The following SRPK2 variants were observed in gnomAD, a reference collection of about 807,000 sequenced individuals.
SRPK2 encodes SFRS protein kinase 2.
A neutral mutation model predicts 90.8 loss-of-function variants in SRPK2; 21 were observed. That is an observed-to-expected ratio of 0.23 (90% CI 0.16 to 0.33). The LOEUF (loss-of-function observed/expected upper bound fraction) is 0.33. Among genes scored for constraint, SRPK2 ranks in the 10% least tolerant of loss-of-function variants. The pLI is 1.00. For synonymous variants in SRPK2, 288 were observed against 311.1 expected (o/e 0.93, Z 0.78); for missense variants, 620 against 869.0 (o/e 0.71, Z 3.60).
chr7:105,378,753 C>G (rs553594397), intron 2 of SRPK2, among the ~76,000 whole-genome samples: 2 of 143,330 alleles, frequency 1.4e-5, no homozygotes, highest in Non-Finnish European at 3.1e-5. Flanking sequence ...CAGAGAAAGA[C>G]TCCGTCTCAA....
At chr7:105,306,414 G>A (rs1563218500) in intron 2 of SRPK2, 3 of 419,282 alleles carry the variant, frequency 7.2e-6, no homozygotes, top group Non-Finnish European at 1.4e-5. Context: ...GAACCAAGAT[G>A]TTTAAGTAGA....
chr7:105,386,116 C>A (rs1234820367), intron 2 of SRPK2, among the ~76,000 whole-genome samples: 1 of 150,984 alleles, frequency 6.6e-6, no homozygotes, highest in Non-Finnish European at 1.5e-5. Flanking sequence ...AGATCGACAC[C>A]ATCCTGGCTA....
rs765544583 is a variant in SRPK2, at chr7:105,159,448, C to CAAAAAAAAAAA, written c.621+1048_621+1058dup. ...GGGTGACAGAGCGAGACTCCGTCTC[C>CAAAAAAAAAAA]AAAAAAAAAAAAAAAAAAAAAAAAA... On this transcript the variant is annotated intron_variant, in intron 7 of 15. Coordinates refer to ENST00000393651, the MANE Select transcript of SRPK2 (RefSeq NM_182692.3). Among the ~76,000 whole-genome samples the CAAAAAAAAAAA allele has an allele frequency of 3.9e-3, 130 of 33,134 alleles. 19 individuals carry two copies. Among genetic ancestry groups the CAAAAAAAAAAA allele is most frequent in the Non-Finnish European group, 4.7e-3 (75 of 15,906 alleles). 21.7% of individuals were successfully genotyped at this position (33,134 alleles called of 152,430 possible).
At chr7:105,254,698 T>G (rs1328723113) in intron 2 of SRPK2, among the ~76,000 whole-genome samples, 8 of 152,080 alleles carry the variant, frequency 5.3e-5, no homozygotes, top group Non-Finnish European at 1.2e-4. Context: ...GTTATTGTTG[T>G]TGTTGTTTTG....
At chr7:105,335,676 G>A (rs141916079) in intron 2 of SRPK2, among the ~76,000 whole-genome samples, 27 of 150,620 alleles carry the variant, frequency 1.8e-4, no homozygotes, top group Middle Eastern at 3.5e-3. Flanking sequence ...AAAAGCAGCC[G>A]GGCGCAGTGG....
intron 15 of SRPK2, chr7:105,125,751 C>G: frequency 9.7e-7 from 1 of 1,026,918 alleles, no homozygotes; most frequent in Non-Finnish European, 1.3e-6. Context: ...GAAGACTATG[C>G]TGAAAATTAG....
chr7:105,280,802 C>T (rs1380099538), intron 2 of SRPK2, among the ~76,000 whole-genome samples: 1 of 151,066 alleles, frequency 6.6e-6, no homozygotes, highest in African/African-American at 2.4e-5. Flanking sequence ...AAAAAATTAG[C>T]CGGGCGTGGT....
rs775009171 is a variant in SRPK2 at position 105,160,620 on chromosome 7, C to T, written c.515-7G>A. The T allele has an allele frequency of 5.7e-6, 9 of 1,586,036 alleles. No individual in the cohort carries two copies. The highest frequency in any genetic ancestry group is 4.5e-5 in the East Asian group (2 of 44,756). On this transcript the variant is annotated splice_polypyrimidine_tract_variant and splice_region_variant and intron_variant, in intron 6 of 15. Coordinates refer to ENST00000393651, the MANE Select transcript of SRPK2 (RefSeq NM_182692.3). ...TCGAAGACCATGCAGACATCTGGGA[C>T]ACAGTTAAGGATCGTTTGTGGATGC...
At chr7:105,166,485 G>C (rs913525898) in intron 6 of SRPK2, among the ~76,000 whole-genome samples, 2 of 152,116 alleles carry the variant, frequency 1.3e-5, no homozygotes, top group African/African-American at 2.4e-5. Flanking sequence ...ATGACTTCTA[G>C]GATTTGCTCT....
intron 15 of SRPK2, among the ~76,000 whole-genome samples, chr7:105,123,227 C>T (rs1800661038): frequency 6.6e-6 from 1 of 152,158 alleles, no homozygotes; most frequent in Non-Finnish European, 1.5e-5. Context: ...AAATACAGCT[C>T]AATTTTTAAC....
In SRPK2 at chr7:105,129,249, T is replaced by A. The variant is rs978442194; in HGVS notation, c.1753-2187A>T. 3.9e-5 allele frequency among the ~76,000 whole-genome samples: 6 copies of A among 152,276 alleles called. No homozygotes were observed. In the East Asian group the frequency reaches 9.7e-4, roughly 25 times the overall value. ...AAGCCCGGCCAAATAATTTTCTTTTTTTTTAAAGGAACAAGGAAGATGAAG... is the reference window on the plus strand; with the variant it reads ...AAGCCCGGCCAAATAATTTTCTTTTATTTTAAAGGAACAAGGAAGATGAAG... On this transcript the variant is annotated intron_variant, in intron 13 of 15. Transcript: ENST00000393651.
intron 3 of SRPK2, among the ~76,000 whole-genome samples, chr7:105,202,662 T>C (rs1346047482): frequency 2.6e-5 from 4 of 152,226 alleles, no homozygotes; most frequent in Non-Finnish European, 4.4e-5. Context: ...AACACTCCAC[T>C]TGAATAGTTT....
chr7:105,143,321 T>G lies in SRPK2; in HGVS notation c.823A>C (p.Ile275Leu). The G allele has an allele frequency of 6.2e-7, 1 of 1,611,426 alleles. No individual in the cohort carries two copies. The highest frequency in any genetic ancestry group is 1.7e-5 in the Admixed American group (1 of 59,594). Residue 275 changes from isoleucine to leucine, a missense_variant, in exon 10 of 16, where the codon ATA (isoleucine) becomes CTA (leucine). By Grantham distance (5) the Ile-to-Leu change is conservative (BLOSUM62 2). This residue lies in a region of SRPK2 where 196 missense variants were observed against 339.2 expected (regional missense o/e 0.58). Transcript: ENST00000393651. ...AGTTTTTTCTTTTTGTTTTTAGATATTTTTCCTATCTATGTTAAGGAAAGA... is the reference window on the plus strand; with the variant it reads ...AGTTTTTTCTTTTTGTTTTTAGATAGTTTTCCTATCTATGTTAAGGAAAGA... ...TAPQQKPIGK[I>L]SKNKKKKLKK...
chr7:105,170,922 G>A (rs1443160431), intron 3 of SRPK2, among the ~76,000 whole-genome samples: 1 of 78,380 alleles, frequency 1.3e-5, no homozygotes, highest in African/African-American at 5.1e-5. Flanking sequence ...AAAGGAGAAA[G>A]AAAAAGAAAA....
At chr7:105,349,515 T>G (rs957212936) in intron 2 of SRPK2, among the ~76,000 whole-genome samples, 1 of 125,354 alleles carries the variant, frequency 8.0e-6, no homozygotes, top group Non-Finnish European at 1.6e-5. Flanking sequence ...AGAGTGAAAC[T>G]CCATCTCAAA....
rs1491497891 is a variant in SRPK2, at chr7:105,386,328, AAC to A, written c.71+2318_71+2319del. Among the ~76,000 whole-genome samples the A allele has an allele frequency of 4.7e-3, 620 of 132,754 alleles. 35 individuals carry two copies. The East Asian group carries it at 0.055, about 12-fold the overall frequency. The allele number at this position is 132,754 out of a possible 152,430, so 87.1% of individuals were successfully genotyped here. A position where few individuals can be genotyped will look rare whatever the true frequency, so the allele number is the denominator to read the frequency against. Reference sequence around the variant, plus strand: ...GACTCGGTCTCAAAAAAAAAAAAAAAACAACCTCTAACACCATCTCCGAAGAC... The same window carrying A: ...GACTCGGTCTCAAAAAAAAAAAAAAAAACCTCTAACACCATCTCCGAAGAC... On this transcript the variant is annotated intron_variant, in intron 2 of 15. Coordinates refer to ENST00000393651, the MANE Select transcript of SRPK2 (RefSeq NM_182692.3).
chr7:105,263,695 A>G (rs1169246607), intron 2 of SRPK2, among the ~76,000 whole-genome samples: 1 of 152,202 alleles, frequency 6.6e-6, no homozygotes, highest in East Asian at 1.9e-4. Context: ...CTAGCAGAAA[A>G]TATTAGTGAC....
At chr7:105,148,857 G>A (rs564219127) in intron 7 of SRPK2, among the ~76,000 whole-genome samples, 2 of 152,188 alleles carry the variant, frequency 1.3e-5, no homozygotes, top group Non-Finnish European at 2.9e-5. Flanking sequence ...GGGATCCAGG[G>A]CTCTGCAGGA....
chr7:105,292,744 T>C (rs1397345933), intron 2 of SRPK2, among the ~76,000 whole-genome samples: 1 of 152,198 alleles, frequency 6.6e-6, no homozygotes, highest in African/African-American at 2.4e-5. Flanking sequence ...AATTGGCTGA[T>C]TTGATCCTGT....
Sources: gnomAD v4.1 joint callset for allele counts (sites outside exome capture counted in the v4.1 genomes callset) on GRCh38, gnomAD v4.1.1 for gene constraint, gnomAD v4.1.1 regional missense constraint, MANE v1.5 for transcripts, NCBI Gene and HGNC (gene_info 2026-07-23, HGNC 2026-07-21) for gene names.